Variants in NXPH1 observed in about 807,000 individuals in gnomAD.
The protein encoded by NXPH1 is neurexophilin-1.
In NXPH1, 5 loss-of-function variants were observed where a neutral mutation model predicts 23.7. That is an observed-to-expected ratio of 0.21 (90% CI 0.11 to 0.44). The LOEUF is 0.44. NXPH1 is among the 20% of genes least tolerant of loss of function. NXPH1 has a pLI of 0.99. For missense variants in NXPH1, 324 were observed against 321.6 expected, an observed-to-expected ratio of 1.01 and a Z score of -0.06; for synonymous variants, 144 against 122.2, an observed-to-expected ratio of 1.18 and a Z score of -1.18.
rs75463110 is a variant in NXPH1, at chr7:8,500,172, T to C, written c.54+64405T>C. ...TCCTGGATCCCAAAGAGGGCAAAAATGACAAGGCTTTTTGGTGTCTGGCAT... is the reference window on the plus strand; with the variant it reads ...TCCTGGATCCCAAAGAGGGCAAAAACGACAAGGCTTTTTGGTGTCTGGCAT... On this transcript the variant is annotated intron_variant, in intron 2 of 2. Coordinates refer to ENST00000405863, the MANE Select transcript of NXPH1 (RefSeq NM_152745.3). Among the ~76,000 whole-genome samples, 206 of 152,182 alleles carry C rather than the reference T, an allele frequency of 1.4e-3. 1 individual carries two copies. The East Asian group carries it at 0.035, about 26-fold the overall frequency.
chr7:8,736,310 G>A (rs1453065011), intron 2 of NXPH1, among the ~76,000 whole-genome samples: 1 of 152,260 alleles, frequency 6.6e-6, no homozygotes. Context: ...CTGTATCCCA[G>A]AGATTCTAGT....
chr7:8,435,456 T>A lies in NXPH1; in HGVS notation c.-110-148T>A. 3.6e-6 allele frequency: 2 copies of A among 553,602 alleles called. No individual in the cohort carries two copies. The highest frequency in any genetic ancestry group is 4.3e-5 in the South Asian group (2 of 46,646). 34.3% of individuals were successfully genotyped at this position (553,602 alleles called of 1,614,324 possible). ...CCGCGCGCTTGCTGGTCTCAGGCGCTGGATTTACTCGCTTTTCAATTTTTC... is the reference window on the plus strand; with the variant it reads ...CCGCGCGCTTGCTGGTCTCAGGCGCAGGATTTACTCGCTTTTCAATTTTTC... On this transcript the variant is annotated intron_variant, in intron 1 of 2. Coordinates refer to ENST00000405863, the MANE Select transcript of NXPH1 (RefSeq NM_152745.3). The surrounding 1 kb of genome is among the most constrained non-coding windows in gnomAD (Gnocchi z 5.9).
chr7:8,614,309 C>A (rs140895783), intron 2 of NXPH1, among the ~76,000 whole-genome samples: 1 of 151,804 alleles, frequency 6.6e-6, no homozygotes, highest in Non-Finnish European at 1.5e-5. Flanking sequence ...AAAATGCAAA[C>A]ATTGTAAGAA....
At chr7:8,533,478 T>C (rs906657068) in intron 2 of NXPH1, among the ~76,000 whole-genome samples, 1 of 152,112 alleles carries the variant, frequency 6.6e-6, no homozygotes, top group Non-Finnish European at 1.5e-5. Flanking sequence ...ATAGGAAAAC[T>C]TAGCATTTTT....
intron 2 of NXPH1, among the ~76,000 whole-genome samples, chr7:8,705,546 T>G (rs11768430): frequency 0.037 from 5,602 of 152,274 alleles, 152 homozygotes; most frequent in Middle Eastern, 0.14. Context: ...TCCTTGGTCG[T>G]ATTTTGAAGA....
intron 2 of NXPH1, among the ~76,000 whole-genome samples, chr7:8,466,067 T>G (rs1816782087): frequency 1.3e-5 from 2 of 152,276 alleles, no homozygotes; most frequent in Admixed American, 6.5e-5. Context: ...GTGAAAAATG[T>G]GAAGTAGTGT....
At chr7:8,471,676 ATATT>A (rs1816875041) in intron 2 of NXPH1, among the ~76,000 whole-genome samples, 1 of 151,900 alleles carries the variant, frequency 6.6e-6, no homozygotes, top group South Asian at 2.1e-4. Context: ...TGAACTATCT[ATATT>A]TATTTTTTTC....
intron 2 of NXPH1, among the ~76,000 whole-genome samples, chr7:8,444,558 T>C (rs1035275604): frequency 6.6e-6 from 1 of 152,226 alleles, no homozygotes; most frequent in African/African-American, 2.4e-5. Flanking sequence ...ACTCAGAAGT[T>C]GCCTGATGCC....
chr7:8,661,227 G>A (rs1440215692), intron 2 of NXPH1, among the ~76,000 whole-genome samples: 1 of 152,100 alleles, frequency 6.6e-6, no homozygotes, highest in Non-Finnish European at 1.5e-5. Context: ...CTTAAGGTTT[G>A]CAGCACATAA....
chr7:8,452,924 G>A (rs1816532038), intron 2 of NXPH1, among the ~76,000 whole-genome samples: 1 of 152,078 alleles, frequency 6.6e-6, no homozygotes, highest in South Asian at 2.1e-4. Context: ...TGCTACTTCT[G>A]ACAGCCCAGA....
chr7:8,629,866 A>G (rs1330434970), intron 2 of NXPH1, among the ~76,000 whole-genome samples: 1 of 152,150 alleles, frequency 6.6e-6, no homozygotes, highest in Admixed American at 6.6e-5. Flanking sequence ...TTATCAGCTC[A>G]AGCAGCTACT....
chr7:8,501,371 G>C (rs17149835), intron 2 of NXPH1, among the ~76,000 whole-genome samples: 2,944 of 152,078 alleles, frequency 0.019, 88 homozygotes, highest in African/African-American at 0.067. Flanking sequence ...ATCATAGCCT[G>C]AGTGCCTGGA....
chr7:8,474,384 C>A (rs938740120), intron 2 of NXPH1, among the ~76,000 whole-genome samples: 2 of 151,990 alleles, frequency 1.3e-5, no homozygotes, highest in African/African-American at 4.8e-5. Flanking sequence ...TATATAGTAC[C>A]AAATTGGGAA....
chr7:8,563,265 A>G (rs1056922351), intron 2 of NXPH1, among the ~76,000 whole-genome samples: 1 of 151,708 alleles, frequency 6.6e-6, no homozygotes, highest in Non-Finnish European at 1.5e-5. Flanking sequence ...GAAGAAAAAC[A>G]TTGTTGTGTA....
chr7:8,532,367 A>G (rs1398466964), intron 2 of NXPH1, among the ~76,000 whole-genome samples: 1 of 150,312 alleles, frequency 6.7e-6, no homozygotes, highest in Non-Finnish European at 1.5e-5. Flanking sequence ...GCAGGAAAGA[A>G]GGAAAGCATT....
chr7:8,577,698 G>A (rs939176092), intron 2 of NXPH1, among the ~76,000 whole-genome samples: 1 of 152,200 alleles, frequency 6.6e-6, no homozygotes. Flanking sequence ...CTGTGCCCTT[G>A]TGTAGTCTCC....
At chr7:8,750,982 A>T in intron 2 of NXPH1, 26 bp from the exon 3 acceptor site, 1 of 1,609,050 alleles carries the variant, frequency 6.2e-7, no homozygotes, top group East Asian at 2.2e-5. Context: ...AGAGATGTAA[A>T]TGCCATTTTT....
At chr7:8,683,543 C>T (rs974949324) in intron 2 of NXPH1, among the ~76,000 whole-genome samples, 1 of 152,060 alleles carries the variant, frequency 6.6e-6, no homozygotes, top group African/African-American at 2.4e-5. Flanking sequence ...ATGATTCAGC[C>T]CAGTGTGCTT....
chr7:8,735,577 G>T (rs1459222084), intron 2 of NXPH1, among the ~76,000 whole-genome samples: 1 of 152,154 alleles, frequency 6.6e-6, no homozygotes, highest in African/African-American at 2.4e-5. Flanking sequence ...ATGTTCATCA[G>T]GGATATTGGC....
Sources: gnomAD v4.1 joint callset for allele counts (sites outside exome capture counted in the v4.1 genomes callset) on GRCh38, gnomAD v4.1.1 for gene constraint, Gnocchi (gnomAD v3.1) non-coding constraint, MANE v1.5 for transcripts, NCBI Gene and HGNC (gene_info 2026-07-23, HGNC 2026-07-21) for gene names.